KPNA1: variants seen among roughly 807,000 people sequenced by gnomAD.
KPNA1 encodes the protein importin subunit alpha-5.
In KPNA1, 10 loss-of-function variants were observed where a neutral mutation model predicts 70.5. The observed-to-expected ratio is 0.14, with a 90% CI of 0.09 to 0.24. KPNA1 has a LOEUF of 0.24. Among genes scored for constraint, KPNA1 ranks in the 10% least tolerant of loss-of-function variants. The probability of loss-of-function intolerance (pLI) is 1.00; values close to 1 mark genes in which losing one functional copy is unlikely to be tolerated. For missense variants in KPNA1, 397 were observed against 637.9 expected, an observed-to-expected ratio of 0.62 and a Z score of 4.07; for synonymous variants, 192 against 221.9, an observed-to-expected ratio of 0.87 and a Z score of 1.20.
In KPNA1 at chr3:122,422,160, G is replaced by T. The variant is rs770377288; in HGVS notation, c.*4825C>A. The T allele has an allele frequency of 6.6e-6, 1 of 152,156 alleles. No homozygotes were observed. Among genetic ancestry groups the T allele is most frequent in the Non-Finnish European group, 1.5e-5 (1 of 68,020 alleles). 9.4% of individuals were successfully genotyped at this position (152,156 alleles called of 1,614,324 possible). Reference sequence around the variant, plus strand: ...ACATTAAAAGGTGATTTTAATTTTTGACATTCCTTGGGATGATATTCCTTT... The same window carrying T: ...ACATTAAAAGGTGATTTTAATTTTTTACATTCCTTGGGATGATATTCCTTT... On this transcript the variant is annotated 3_prime_UTR_variant, in exon 14 of 14. Coordinates refer to ENST00000344337, the MANE Select transcript of KPNA1 (RefSeq NM_002264.4).
intron 1 of KPNA1, among the ~76,000 whole-genome samples, chr3:122,508,808 T>C (rs1348454719): frequency 6.6e-6 from 1 of 152,136 alleles, no homozygotes; most frequent in African/African-American, 2.4e-5. Flanking sequence ...TTCTTAAATA[T>C]GAATGGACAG....
intron 2 of KPNA1, among the ~76,000 whole-genome samples, chr3:122,487,191 T>C (rs898666478): frequency 1.3e-5 from 2 of 152,064 alleles, no homozygotes; most frequent in African/African-American, 4.8e-5. Context: ...ATTAGTCAAG[T>C]AACCAAATTA....
chr3:122,513,765 G>T (rs1312600628), intron 1 of KPNA1, among the ~76,000 whole-genome samples: 1 of 151,068 alleles, frequency 6.6e-6, no homozygotes, highest in Non-Finnish European at 1.5e-5. Flanking sequence ...GTACGTTTCA[G>T]AAAAAAAAAT....
rs548760254 is a variant in KPNA1 at position 122,459,735 on chromosome 3, C to G, written c.432+1489G>C. 6 of 985,414 alleles carry G rather than the reference C, an allele frequency of 6.1e-6. No individual in the cohort carries two copies. In the African/African-American group the frequency reaches 8.7e-5, roughly 14 times the overall value. 61.0% of individuals were successfully genotyped at this position (985,414 alleles called of 1,614,324 possible). A position where few individuals can be genotyped will look rare whatever the true frequency, so the allele number is the denominator to read the frequency against. ...AGCATGGGAACTGGTAAGTGTCAAA[C>G]TGGAGAAGAAAAACTGATGTGACAT... On this transcript the variant is annotated intron_variant, in intron 5 of 13. Coordinates refer to ENST00000344337, the MANE Select transcript of KPNA1 (RefSeq NM_002264.4).
chr3:122,423,580 C>T lies in KPNA1; in HGVS notation c.*3405G>A, dbSNP rs1167836999. 6.6e-6 allele frequency: 1 copy of T among 152,510 alleles called. No individual in the cohort carries two copies. Among genetic ancestry groups the T allele is most frequent in the African/African-American group, 2.4e-5 (1 of 41,410 alleles). 9.4% of individuals were successfully genotyped at this position (152,510 alleles called of 1,614,324 possible). ...AGCGAGAAAGAAAAACCCCTTGACT[C>T]CAGGAAAACCTTTTCATAATGCATC... On this transcript the variant is annotated 3_prime_UTR_variant, in exon 14 of 14. Coordinates refer to ENST00000344337, the MANE Select transcript of KPNA1 (RefSeq NM_002264.4).
chr3:122,474,043 C>T (rs943294620), intron 2 of KPNA1, among the ~76,000 whole-genome samples: 2 of 152,100 alleles, frequency 1.3e-5, no homozygotes, highest in African/African-American at 4.8e-5. Flanking sequence ...AATTCAACTG[C>T]TTTCCTATAC....
intron 2 of KPNA1, among the ~76,000 whole-genome samples, chr3:122,481,807 T>G (rs2076574334): frequency 2.0e-5 from 3 of 152,218 alleles, no homozygotes; most frequent in Admixed American, 2.0e-4. Flanking sequence ...AATTTCATAA[T>G]GATCAAGGAG....
rs910037403 is a variant in KPNA1 at position 122,425,329 on chromosome 3, A to G, written c.*1656T>C. On this transcript the variant is annotated 3_prime_UTR_variant, in exon 14 of 14. Transcript: ENST00000344337. ...ATTCAGCAGGATTTACCAGAGATGT[A>G]TAATAGCTTGTCAGGGGCAACTTCC... 1 of 152,684 alleles carries G rather than the reference A, an allele frequency of 6.5e-6. No homozygotes were observed. Among genetic ancestry groups the G allele is most frequent in the African/African-American group, 2.4e-5 (1 of 41,468 alleles). The allele number at this position is 152,684 out of a possible 1,614,324, so 9.5% of individuals were successfully genotyped here.
chr3:122,436,173 C>T (rs1256881182), intron 11 of KPNA1, among the ~76,000 whole-genome samples: 1 of 152,186 alleles, frequency 6.6e-6, no homozygotes, highest in South Asian at 2.1e-4. Context: ...TCTCCCTTAG[C>T]GCTCCCAGGC....
At chr3:122,466,246 C>CAA (rs140036887) in intron 3 of KPNA1, among the ~76,000 whole-genome samples, 10 of 149,364 alleles carry the variant, frequency 6.7e-5, no homozygotes, top group South Asian at 2.1e-4. Flanking sequence ...CACCATTTAC[C>CAA]AAAAAAAAAG....
Position 122,453,936 on chromosome 3 carries a change from A to C in KPNA1, c.498T>G (p.Ile166Met). The change falls in exon 6 of 14, where the codon ATT becomes ATG. Residue 166 changes from isoleucine to methionine, a missense_variant. Coordinates refer to ENST00000344337, the MANE Select transcript of KPNA1 (RefSeq NM_002264.4). ...TGAAGATGGGCACAGCTCCTGCCTG[A>C]ATCACAATTCGGGTCTGAAGAGAAT... Reference protein sequence around the residue: ...SGNSLQTRIVIQAGAVPIFIE... With the variant: ...SGNSLQTRIVMQAGAVPIFIE... The C allele has an allele frequency of 6.2e-7, 1 of 1,613,384 alleles. No homozygotes were observed. The highest frequency in any genetic ancestry group is 2.2e-5 in the East Asian group (1 of 44,892).
At chr3:122,436,034 T>C (rs2075981614) in intron 11 of KPNA1, among the ~76,000 whole-genome samples, 1 of 152,242 alleles carries the variant, frequency 6.6e-6, no homozygotes, top group Admixed American at 6.5e-5. Context: ...GAAATATTAC[T>C]GAATTCTTTT....
chr3:122,508,445 T>C (rs2076915692), intron 1 of KPNA1, among the ~76,000 whole-genome samples: 1 of 152,158 alleles, frequency 6.6e-6, no homozygotes, highest in Non-Finnish European at 1.5e-5. Flanking sequence ...CATGCCCAGA[T>C]TTCCTCCTCC....
chr3:122,469,976 T>C (rs1003361901), intron 2 of KPNA1, among the ~76,000 whole-genome samples: 11 of 152,164 alleles, frequency 7.2e-5, no homozygotes, highest in African/African-American at 2.7e-4. Context: ...TAAGGAAATT[T>C]ATTGTCAGTA....
chr3:122,514,670 C>G (rs1263624199), intron 1 of KPNA1, 87 bp downstream of exon 1: 1 of 152,374 alleles, frequency 6.6e-6, no homozygotes, highest in Admixed American at 6.5e-5. Flanking sequence ...CGCCCTCGCC[C>G]CAGGGCCTCT....
At chr3:122,513,345 CATCT>C (rs1198870496) in intron 1 of KPNA1, among the ~76,000 whole-genome samples, 2 of 152,208 alleles carry the variant, frequency 1.3e-5, no homozygotes, top group Non-Finnish European at 2.9e-5. Flanking sequence ...TCTTACGTCT[CATCT>C]ATCCATAAAA....
At chr3:122,475,717 G>A (rs1310843867) in intron 2 of KPNA1, among the ~76,000 whole-genome samples, 1 of 152,124 alleles carries the variant, frequency 6.6e-6, no homozygotes, top group Non-Finnish European at 1.5e-5. Flanking sequence ...CCATTGACTG[G>A]AAGCCTTATC....
rs769977465 is a variant in KPNA1 at position 122,453,948 on chromosome 3, G to A, written c.486C>T (p.Thr162=). The A allele has an allele frequency of 1.4e-5, 23 of 1,611,970 alleles. No individual in the cohort carries two copies. In the South Asian group the frequency reaches 2.4e-4, roughly 17 times the overall value. Residue 162 remains threonine, a synonymous_variant, in exon 6 of 14, where the codon ACC becomes ACT. Transcript: ENST00000344337. ...CAGCTCCTGCCTGAATCACAATTCG[G>A]GTCTGAAGAGAATTTCCTGAAGCAA... is the stretch of plus-strand genomic sequence containing the variant. ...TNIASGNSLQ[T]RIVIQAGAVP...
rs1271168027 is a variant in KPNA1 at position 122,482,452 on chromosome 3, AG to A, written c.129+13984del. Among the ~76,000 whole-genome samples, 15 of 152,340 alleles carry A rather than the reference AG, an allele frequency of 9.8e-5. No homozygotes were observed. The East Asian group carries it at 2.9e-3, about 29-fold the overall frequency. ...ATCTAAGGTCAGAAATAAAACAGAT[AG>A]GTCTGTTTTTATTATTTTCATTCAA... On this transcript the variant is annotated intron_variant, in intron 2 of 13. Coordinates refer to ENST00000344337, the MANE Select transcript of KPNA1 (RefSeq NM_002264.4).
Sources: allele counts gnomAD v4.1 joint callset (sites outside exome capture counted in the v4.1 genomes callset), GRCh38; gene constraint gnomAD v4.1.1; transcripts MANE v1.5; gene names NCBI Gene and HGNC (gene_info 2026-07-23, HGNC 2026-07-21).